The following DOCK7 variants were observed in gnomAD, a reference collection of about 807,000 sequenced individuals.
DOCK7 encodes dedicator of cytokinesis 7.
A neutral mutation model predicts 271.0 loss-of-function variants in DOCK7; 138 were observed. That is an observed-to-expected ratio of 0.51 (90% CI 0.44 to 0.59). The LOEUF is 0.59. Among genes scored for constraint, DOCK7 ranks in the 20% least tolerant of loss-of-function variants. The probability of loss-of-function intolerance (pLI) is 0.00; values close to 1 mark genes in which losing one functional copy is unlikely to be tolerated. For missense variants in DOCK7, 2,066 were observed against 2,592.4 expected (o/e 0.80, Z 4.41); for synonymous variants, 823 against 876.1 (o/e 0.94, Z 1.07).
At chr1:62,510,463 A>AT (rs1644450991) in intron 34 of DOCK7, 114 bp downstream of exon 34, 1 of 623,828 alleles carries the variant, frequency 1.6e-6, no homozygotes, top group Non-Finnish European at 2.5e-6. Flanking sequence ...AAGACTTAAT[A>AT]TATTTATTAA....
At chr1:62,575,757 G>A (rs951288204) in intron 18 of DOCK7, among the ~76,000 whole-genome samples, 32 of 152,136 alleles carry the variant, frequency 2.1e-4, no homozygotes, top group African/African-American at 7.0e-4. Context: ...TATGTCTACA[G>A]TCAAATCCAA....
rs372835437 is a variant in DOCK7 at position 62,559,028 on chromosome 1, G to C, written c.2392C>G (p.Leu798Val). The change falls in exon 20 of 50, where the codon CTT (leucine) becomes GTT (valine). Residue 798 changes from leucine (L) to valine (V), a missense_variant. Coordinates refer to ENST00000635253, the MANE Select transcript of DOCK7 (RefSeq NM_001367561.1). The part of the protein sequence containing the change: ...FLHLLLDKLI[L>V]LVIRPPVIAG... ...ATGACAGGAGGTCTAATAACTAAAA[G>C]TATCAGTTTATCTAGCAGAAGATGA... 1 of 1,613,398 alleles carries C rather than the reference G, an allele frequency of 6.2e-7. No homozygotes were observed. Among genetic ancestry groups the C allele is most frequent in the Non-Finnish European group, 8.5e-7 (1 of 1,179,726 alleles).
chr1:62,593,094 A>G (rs1387806970), intron 14 of DOCK7, among the ~76,000 whole-genome samples: 1 of 152,084 alleles, frequency 6.6e-6, no homozygotes, highest in African/African-American at 2.4e-5. Flanking sequence ...AAATACTAAG[A>G]TCCTGAATGA....
intron 14 of DOCK7, among the ~76,000 whole-genome samples, chr1:62,586,826 T>C (rs924521054): frequency 6.6e-6 from 1 of 152,134 alleles, no homozygotes; most frequent in African/African-American, 2.4e-5. Flanking sequence ...TGTCCCAATT[T>C]TGCAGATAAA....
At chr1:62,581,046 G>C (rs1229740420) in intron 16 of DOCK7, among the ~76,000 whole-genome samples, 1 of 152,040 alleles carries the variant, frequency 6.6e-6, no homozygotes, top group Admixed American at 6.6e-5. Context: ...ATAACCACAG[G>C]CCTAAAATAT....
intron 16 of DOCK7, among the ~76,000 whole-genome samples, chr1:62,581,236 G>C (rs1647110094): frequency 6.6e-6 from 1 of 152,020 alleles, no homozygotes; most frequent in Non-Finnish European, 1.5e-5. Flanking sequence ...TAAGTAAAGG[G>C]ATTTGGTATT....
chr1:62,607,281 C>T (rs928274665), intron 14 of DOCK7, among the ~76,000 whole-genome samples: 4 of 152,124 alleles, frequency 2.6e-5, no homozygotes, highest in African/African-American at 4.8e-5. Context: ...TATACTCTTT[C>T]ACACCATCTT....
chr1:62,669,077 C>T (rs972622486), intron 1 of DOCK7, among the ~76,000 whole-genome samples: 1 of 152,138 alleles, frequency 6.6e-6, no homozygotes, highest in African/African-American at 2.4e-5. Flanking sequence ...CTGTTCCATA[C>T]AATTGAGTGT....
chr1:62,629,747 A>G (rs912630787), intron 11 of DOCK7: 4 of 152,216 alleles, frequency 2.6e-5, no homozygotes, highest in Non-Finnish European at 4.4e-5. Flanking sequence ...CAAAACTGTG[A>G]CTTTAAGCAA....
At chr1:62,580,735 A>G (rs1227459764) in intron 16 of DOCK7, among the ~76,000 whole-genome samples, 2 of 152,188 alleles carry the variant, frequency 1.3e-5, no homozygotes, top group Non-Finnish European at 1.5e-5. Context: ...AGACACATAT[A>G]TATCAATAGC....
rs186244660 is a variant in DOCK7 at position 62,530,037 on chromosome 1, T to C, written c.3612-591A>G. On this transcript the variant is annotated intron_variant, in intron 29 of 49. Transcript: ENST00000635253. ...AAATGGGCTAATACACTAACAAGGGTCACTTTCACTTAAACATTTTTGTCT... is the reference window on the plus strand; with the variant it reads ...AAATGGGCTAATACACTAACAAGGGCCACTTTCACTTAAACATTTTTGTCT... 2.0e-5 allele frequency among the ~76,000 whole-genome samples: 3 copies of C among 152,278 alleles called. No homozygotes were observed. The East Asian group carries it at 5.8e-4, about 29-fold the overall frequency.
intron 48 of DOCK7, among the ~76,000 whole-genome samples, chr1:62,462,711 A>T (rs1025191460): frequency 2.0e-5 from 3 of 152,156 alleles, no homozygotes; most frequent in African/African-American, 7.2e-5. Flanking sequence ...AGTTATCAGT[A>T]TGGACAAAAA....
intron 1 of DOCK7, among the ~76,000 whole-genome samples, chr1:62,680,634 A>G (rs1172573644): frequency 6.6e-6 from 1 of 152,106 alleles, no homozygotes; most frequent in Non-Finnish European, 1.5e-5. Context: ...TTTGCAATCT[A>G]CTCATCTGAC....
chr1:62,654,200 A>C, intron 2 of DOCK7, 41 bp from the exon 3 acceptor site: 1 of 1,523,928 alleles, frequency 6.6e-7, no homozygotes, highest in African/African-American at 1.4e-5. Flanking sequence ...AGAAAACAAG[A>C]GGTGAATGTA....
chr1:62,624,958 G>A (rs914551770), intron 12 of DOCK7: 13 of 182,240 alleles, frequency 7.1e-5, no homozygotes, highest in African/African-American at 2.4e-4. Context: ...GCAACAGAGC[G>A]AGACTCTGTC....
chr1:62,454,976 CAAT>C lies in DOCK7; in HGVS notation c.*435_*437del, dbSNP rs1019024296. 5.5e-6 allele frequency: 2 copies of C among 366,104 alleles called. No homozygotes were observed. The highest frequency in any genetic ancestry group is 9.3e-5 in the Admixed American group (2 of 21,496). The allele number at this position is 366,104 out of a possible 1,614,324, so 22.7% of individuals were successfully genotyped here. Reference sequence around the variant, plus strand: ...CCCTTTAATTGTTCTCTGCCATTGTCAATAATAAAAATTTTGAAGTCCCACTCG... The same window carrying C: ...CCCTTTAATTGTTCTCTGCCATTGTCAATAAAAATTTTGAAGTCCCACTCG... On this transcript the variant is annotated 3_prime_UTR_variant, in exon 50 of 50. Coordinates refer to ENST00000635253, the MANE Select transcript of DOCK7 (RefSeq NM_001367561.1).
intron 14 of DOCK7, chr1:62,608,651 T>A (rs1007206483): frequency 6.6e-6 from 1 of 152,182 alleles, no homozygotes. Context: ...TTTACCTGAT[T>A]TTAGTGAATT....
At chr1:62,480,934 G>A (rs1301335848) in intron 43 of DOCK7, among the ~76,000 whole-genome samples, 2 of 151,710 alleles carry the variant, frequency 1.3e-5, no homozygotes, top group East Asian at 1.9e-4. Context: ...GCGTGAACCC[G>A]GGAGGCGGAG....
intron 33 of DOCK7, among the ~76,000 whole-genome samples, chr1:62,512,853 G>A (rs1180594941): frequency 2.6e-5 from 4 of 151,916 alleles, no homozygotes; most frequent in Non-Finnish European, 5.9e-5. Flanking sequence ...CAATGCTGCA[G>A]TAAGCCACAA....
Sources: gnomAD v4.1 joint callset for allele counts (sites outside exome capture counted in the v4.1 genomes callset) on GRCh38, gnomAD v4.1.1 for gene constraint, MANE v1.5 for transcripts, NCBI Gene and HGNC (gene_info 2026-07-23, HGNC 2026-07-21) for gene names.